The following AGPAT3 variants were observed in gnomAD, a reference collection of about 807,000 sequenced individuals.
The protein encoded by AGPAT3 is 1-acylglycerol-3-phosphate O-acyltransferase 3, also known as 1-acyl-sn-glycerol-3-phosphate acyltransferase gamma.
Under a neutral mutation model 47.3 loss-of-function variants are expected in AGPAT3, and 5 were observed. That is an observed-to-expected ratio of 0.11 (90% CI 0.06 to 0.22). The LOEUF is 0.22. Among genes scored for constraint, AGPAT3 ranks in the 10% least tolerant of loss-of-function variants. The pLI, the probability that AGPAT3 is intolerant of heterozygous loss-of-function variation, is 1.00. For synonymous variants in AGPAT3, 212 were observed against 208.3 expected (o/e 1.02, Z -0.15); for missense variants, 315 against 493.0 (o/e 0.64, Z 3.42).
chr21:43,972,132 G>C (rs956455668), intron 7 of AGPAT3, among the ~76,000 whole-genome samples: 4 of 148,804 alleles, frequency 2.7e-5, no homozygotes, highest in African/African-American at 9.9e-5. Context: ...TGAAGGGAAA[G>C]GAAGAGCCTG....
chr21:43,911,466 A>T (rs1393925925), intron 2 of AGPAT3, among the ~76,000 whole-genome samples: 1 of 152,244 alleles, frequency 6.6e-6, no homozygotes, highest in African/African-American at 2.4e-5. Context: ...GTCTGGGAAG[A>T]TTGCAACACT....
At chr21:43,916,796 C>T (rs2146136513) in intron 2 of AGPAT3, among the ~76,000 whole-genome samples, 1 of 152,296 alleles carries the variant, frequency 6.6e-6, no homozygotes, top group East Asian at 1.9e-4. Flanking sequence ...CACGTTCGCA[C>T]ACACAGCACA....
chr21:43,958,434 G>A (rs1485104941), intron 2 of AGPAT3, among the ~76,000 whole-genome samples: 1 of 151,968 alleles, frequency 6.6e-6, no homozygotes, highest in Non-Finnish European at 1.5e-5. Context: ...GCACTGTGGT[G>A]TGTGTGGTTT....
At chr21:43,906,867 G>A (rs1274798553) in intron 2 of AGPAT3, among the ~76,000 whole-genome samples, 1 of 152,206 alleles carries the variant, frequency 6.6e-6, no homozygotes, top group Non-Finnish European at 1.5e-5. Flanking sequence ...CACATGCTGG[G>A]TGGAAGAAGC....
At chr21:43,927,213 A>G (rs912983087) in intron 2 of AGPAT3, among the ~76,000 whole-genome samples, 2 of 152,134 alleles carry the variant, frequency 1.3e-5, no homozygotes, top group African/African-American at 2.4e-5. Context: ...AGCAAGGTGT[A>G]TTACTCTCTT....
chr21:43,950,178 G>A (rs765684574), intron 2 of AGPAT3, among the ~76,000 whole-genome samples: 36 of 152,318 alleles, frequency 2.4e-4, no homozygotes, highest in Admixed American at 6.5e-4. Context: ...TGACTGATTC[G>A]GAGGCCACTG....
At chr21:43,973,102 T>TGAACATAAAC (rs2089463787) in intron 7 of AGPAT3, among the ~76,000 whole-genome samples, 1 of 152,230 alleles carries the variant, frequency 6.6e-6, no homozygotes, top group Non-Finnish European at 1.5e-5. Context: ...GAAGGGTTTG[T>TGAACATAAAC]GAACATAAAC....
chr21:43,971,032 A>G (rs1461678785), intron 6 of AGPAT3, among the ~76,000 whole-genome samples: 6 of 152,236 alleles, frequency 3.9e-5, no homozygotes, highest in Non-Finnish European at 1.5e-5. Flanking sequence ...TACATAATGC[A>G]AAACCTTATG....
intron 7 of AGPAT3, among the ~76,000 whole-genome samples, chr21:43,975,707 T>C (rs1003713556): frequency 2.4e-4 from 36 of 152,250 alleles, no homozygotes; most frequent in African/African-American, 8.7e-4. Context: ...TTCCTACCTG[T>C]GTATCTTAAT....
At position 43,984,489 on chromosome 21, in the gene AGPAT3, G is replaced by C. The variant is rs2030047110; in HGVS notation, c.*2097G>C. The C allele has an allele frequency of 6.5e-6, 1 of 152,760 alleles. No homozygotes were observed. The highest frequency in any genetic ancestry group is 1.5e-5 in the Non-Finnish European group (1 of 68,310). 9.5% of individuals were successfully genotyped at this position (152,760 alleles called of 1,614,324 possible). A position where few individuals can be genotyped will look rare whatever the true frequency, so the allele number is the denominator to read the frequency against. On this transcript the variant is annotated 3_prime_UTR_variant, in exon 10 of 10. Coordinates refer to ENST00000291572, the MANE Select transcript of AGPAT3 (RefSeq NM_020132.5). ...TTTCCCATAGAAGTTCCCTCCCTTTGAAATTAATATATAATGTATAAATTC... is the reference window on the plus strand; with the variant it reads ...TTTCCCATAGAAGTTCCCTCCCTTTCAAATTAATATATAATGTATAAATTC...
Position 43,934,330 on chromosome 21 carries a change from C to T in AGPAT3, c.-48-25304C>T, listed in dbSNP as rs149136824. Among the ~76,000 whole-genome samples, 370 of 152,352 alleles carry T rather than the reference C, an allele frequency of 2.4e-3. 3 individuals are homozygous for T. Among genetic ancestry groups the T allele is most frequent in the African/African-American group, 8.5e-3 (353 of 41,582 alleles). On this transcript the variant is annotated intron_variant, in intron 2 of 9. Coordinates refer to ENST00000291572, the MANE Select transcript of AGPAT3 (RefSeq NM_020132.5). This position sits in a 1 kb window ranked among gnomAD's most constrained non-coding sequence, Gnocchi z 4.7. ...GGCGGAAGGAGGGGCCTCCAGGCCT[C>T]GTCTTCCTTCACTGTGCCCATGCTC...
intron 5 of AGPAT3, among the ~76,000 whole-genome samples, chr21:43,969,857 C>G (rs1370542636): frequency 1.3e-5 from 2 of 152,084 alleles, no homozygotes; most frequent in Non-Finnish European, 2.9e-5. Context: ...GCCACCACAC[C>G]TGGCTAATTT....
In AGPAT3 at chr21:43,908,464, G is replaced by A. The variant is rs540744110; in HGVS notation, c.-49+4445G>A. ...GAACCCGGTGTGTATGACTCGCTCC[G>A]TGATTCATAACAAGGCATTTGCTTT... is the stretch of plus-strand genomic sequence containing the variant. On this transcript the variant is annotated intron_variant, in intron 2 of 9. Coordinates refer to ENST00000291572, the MANE Select transcript of AGPAT3 (RefSeq NM_020132.5). This position sits in a 1 kb window ranked among gnomAD's most constrained non-coding sequence, Gnocchi z 4.9. 2.2e-4 allele frequency among the ~76,000 whole-genome samples: 34 copies of A among 152,282 alleles called. No individual in the cohort carries two copies. Among genetic ancestry groups the A allele is most frequent in the African/African-American group, 7.7e-4 (32 of 41,566 alleles).
At chr21:43,869,507 T>G (rs1569037292) in intron 1 of AGPAT3, among the ~76,000 whole-genome samples, 1 of 152,212 alleles carries the variant, frequency 6.6e-6, no homozygotes, top group Non-Finnish European at 1.5e-5. Context: ...GGTTATGCAC[T>G]TGTCAGTTTG....
chr21:43,875,061 A>G (rs1601190920), intron 1 of AGPAT3, among the ~76,000 whole-genome samples: 1 of 152,080 alleles, frequency 6.6e-6, no homozygotes, highest in Non-Finnish European at 1.5e-5. Flanking sequence ...GCTCACTGTA[A>G]CCTCCGCCTC....
At chr21:43,876,902 A>G (rs2085745457) in intron 1 of AGPAT3, among the ~76,000 whole-genome samples, 1 of 152,086 alleles carries the variant, frequency 6.6e-6, no homozygotes, top group African/African-American at 2.4e-5. Context: ...TCTGTTGCCC[A>G]AGCTGGAGTG....
chr21:43,968,794 C>T (rs1358027635), intron 4 of AGPAT3, among the ~76,000 whole-genome samples: 1 of 152,162 alleles, frequency 6.6e-6, no homozygotes, highest in Non-Finnish European at 1.5e-5. Context: ...CCGATGCTGG[C>T]AGAAGAATTT....
In AGPAT3 at chr21:43,970,761, C is replaced by T. The variant is rs1329705673; in HGVS notation, c.619C>T (p.Arg207Trp). 1.9e-6 allele frequency: 3 copies of T among 1,608,004 alleles called. No homozygotes were observed. The highest frequency in any genetic ancestry group is 1.7e-5 in the Admixed American group (1 of 59,720). The change falls in exon 6 of 10, where the codon CGG becomes TGG. Residue 207 changes from arginine (R) to tryptophan (W), a missense_variant. Transcript: ENST00000291572. The surrounding 1 kb of genome is among the most constrained non-coding windows in gnomAD (Gnocchi z 5.8). The part of the protein sequence containing the change: ...LPVLKYHLLP[R>W]TKGFTTAVKC... ...TGTCCTCAAGTACCACCTGCTGCCG[C>T]GGACCAAGGGCTTCACCACCGCAGT...
intron 1 of AGPAT3, chr21:43,867,292 A>G (rs990857242): frequency 6.6e-6 from 1 of 152,196 alleles, no homozygotes; most frequent in Non-Finnish European, 1.5e-5. Flanking sequence ...TCCCACCTCC[A>G]CAGACCCGTC....
Sources: gnomAD v4.1 joint callset for allele counts (sites outside exome capture counted in the v4.1 genomes callset) on GRCh38, gnomAD v4.1.1 for gene constraint, Gnocchi (gnomAD v3.1) non-coding constraint, MANE v1.5 for transcripts, NCBI Gene and HGNC (gene_info 2026-07-23, HGNC 2026-07-21) for gene names.